Variants in TNRC6C observed in about 807,000 individuals in gnomAD.
The protein encoded by TNRC6C is trinucleotide repeat-containing gene 6C protein.
TNRC6C carries 20 observed loss-of-function variants against 153.7 expected under a neutral mutation model. The ratio of observed to expected loss-of-function variants is 0.13; its 90% CI spans 0.09 to 0.19. The LOEUF is 0.19. Among genes scored for constraint, TNRC6C ranks in the 10% least tolerant of loss-of-function variants. The pLI, the probability that TNRC6C is intolerant of heterozygous loss-of-function variation, is 1.00. For missense variants in TNRC6C, 1,987 were observed against 2,172.0 expected (o/e 0.91, Z 1.69); for synonymous variants, 811 against 841.4 (o/e 0.96, Z 0.63).
In TNRC6C at chr17:78,075,293, G is replaced by A; in HGVS notation, c.3060+15G>A. The A allele has an allele frequency of 6.4e-7, 1 of 1,564,760 alleles. No individual in the cohort carries two copies. The highest frequency in any genetic ancestry group is 8.7e-7 in the Non-Finnish European group (1 of 1,152,724). On this transcript the variant is annotated intron_variant, in intron 8 of 19. Coordinates refer to ENST00000301624, the Ensembl canonical transcript of TNRC6C. This position sits in a 1 kb window ranked among gnomAD's most constrained non-coding sequence, Gnocchi z 4.2. ...TTCTTGACAAGGTATGAATATAGGT[G>A]GTTTGTTGTTTTTGCTTTTTTAACA... is the stretch of plus-strand genomic sequence containing the variant.
At chr17:78,018,160 C>G (rs1236955924) in intron 1 of TNRC6C, among the ~76,000 whole-genome samples, 1 of 152,106 alleles carries the variant, frequency 6.6e-6, no homozygotes, top group Non-Finnish European at 1.5e-5. Context: ...TGGAGTCTTG[C>G]TCTGTCGCCA....
intron 1 of TNRC6C, among the ~76,000 whole-genome samples, chr17:77,968,447 C>T (rs1181936348): frequency 6.6e-6 from 1 of 151,682 alleles, no homozygotes; most frequent in African/African-American, 2.4e-5. Flanking sequence ...GTTCAAGCGA[C>T]TCTTCTGCCT....
At chr17:78,011,204 G>A (rs544671790) in intron 1 of TNRC6C, among the ~76,000 whole-genome samples, 5 of 152,248 alleles carry the variant, frequency 3.3e-5, no homozygotes, top group African/African-American at 7.2e-5. Flanking sequence ...TTGAGTTATT[G>A]TGGACATTAT....
chr17:78,028,062 AT>A (rs913660135), intron 1 of TNRC6C, among the ~76,000 whole-genome samples: 13 of 151,254 alleles, frequency 8.6e-5, no homozygotes, highest in African/African-American at 2.9e-4. Flanking sequence ...TGCCCGGCTA[AT>A]TTTTTTTTGT....
upstream of TNRC6C, chr17:78,004,991 G>A (rs537195507): frequency 2.3e-5 from 26 of 1,111,262 alleles, no homozygotes; most frequent in South Asian, 9.2e-4. Context: ...TTTCATAGAT[G>A]TGTACATTCT....
chr17:78,030,204 C>T (rs963681623), intron 1 of TNRC6C, among the ~76,000 whole-genome samples: 5 of 151,996 alleles, frequency 3.3e-5, no homozygotes, highest in Non-Finnish European at 7.4e-5. Flanking sequence ...GCCTGGAGTG[C>T]AGTGGCACAG....
rs147630758 is a variant in TNRC6C at position 78,038,227 on chromosome 17, C to T, written c.-219+6385C>T. ...TGAATATGAATAAAATCTGAGAGGACATGTTTACAGTGTAAATAGCAAAAG... is the reference window on the plus strand; with the variant it reads ...TGAATATGAATAAAATCTGAGAGGATATGTTTACAGTGTAAATAGCAAAAG... On this transcript the variant is annotated intron_variant, in intron 2 of 19. Coordinates refer to ENST00000301624, the Ensembl canonical transcript of TNRC6C. Among the ~76,000 whole-genome samples, 432 of 152,204 alleles carry T rather than the reference C, an allele frequency of 2.8e-3. 2 individuals carry two copies. The highest frequency in any genetic ancestry group is 0.01 in the African/African-American group (423 of 41,516).
intron 10 of TNRC6C, among the ~76,000 whole-genome samples, chr17:78,082,325 G>A (rs2073195940): frequency 6.6e-6 from 1 of 151,956 alleles, no homozygotes; most frequent in African/African-American, 2.4e-5. Context: ...ATGATCACAT[G>A]GGGATGAAGT....
chr17:78,022,636 A>C (rs1013520056), intron 1 of TNRC6C, among the ~76,000 whole-genome samples: 1 of 152,108 alleles, frequency 6.6e-6, no homozygotes, highest in Non-Finnish European at 1.5e-5. Context: ...GATGATTTCT[A>C]AGGTTCCTGT....
chr17:78,039,643 C>T (rs765022060), intron 2 of TNRC6C, among the ~76,000 whole-genome samples: 1 of 152,226 alleles, frequency 6.6e-6, no homozygotes, highest in Non-Finnish European at 1.5e-5. Flanking sequence ...AATGCTGTGG[C>T]TGTTGTCAGG....
intron 11 of TNRC6C, among the ~76,000 whole-genome samples, chr17:78,085,368 C>A (rs2073261569): frequency 6.6e-6 from 1 of 152,118 alleles, no homozygotes; most frequent in Non-Finnish European, 1.5e-5. Flanking sequence ...TTCAGTGCTT[C>A]CATAAGGTTA....
chr17:78,048,251 C>A (rs2072448620), intron 2 of TNRC6C, among the ~76,000 whole-genome samples: 1 of 151,932 alleles, frequency 6.6e-6, no homozygotes, highest in Admixed American at 6.6e-5. Flanking sequence ...CATTTCTAAT[C>A]CTTAGTATTT....
chr17:77,984,311 A>G (rs2071125860), intron 1 of TNRC6C, among the ~76,000 whole-genome samples: 1 of 150,696 alleles, frequency 6.6e-6, no homozygotes, highest in African/African-American at 2.4e-5. Flanking sequence ...TGAGCCCAGG[A>G]GTTTGAGGCC....
At chr17:78,057,025 A>ACAC (rs1258558622) in intron 3 of TNRC6C, among the ~76,000 whole-genome samples, 1 of 152,146 alleles carries the variant, frequency 6.6e-6, no homozygotes, top group African/African-American at 2.4e-5. Flanking sequence ...TGCTCTTTGT[A>ACAC]GGTGTAGCAA....
intron 1 of TNRC6C, among the ~76,000 whole-genome samples, chr17:77,993,471 A>G (rs1377218354): frequency 6.6e-6 from 1 of 152,242 alleles, no homozygotes; most frequent in Non-Finnish European, 1.5e-5. Context: ...TAAGGGACAG[A>G]AACAACGAGC....
intron 13 of TNRC6C, among the ~76,000 whole-genome samples, chr17:78,089,703 G>T (rs534334094): frequency 6.6e-6 from 1 of 152,168 alleles, no homozygotes; most frequent in East Asian, 1.9e-4. Context: ...GATTCTTACA[G>T]GGCTCTAGAG....
chr17:78,085,706 A>C (rs768297518), intron 11 of TNRC6C, among the ~76,000 whole-genome samples: 41 of 152,138 alleles, frequency 2.7e-4, no homozygotes, highest in Non-Finnish European at 3.4e-4. Flanking sequence ...TTTCATTCCC[A>C]TGATGTTAGG....
intron 15 of TNRC6C, 154 bp downstream of exon 17, chr17:78,093,278 T>A: frequency 1.1e-6 from 1 of 925,074 alleles, no homozygotes; most frequent in Non-Finnish European, 1.6e-6. Flanking sequence ...AATCCATTTG[T>A]CAGATCAATT....
intron 17 of TNRC6C, among the ~76,000 whole-genome samples, chr17:78,102,190 AC>A (rs2073608550): frequency 6.6e-6 from 1 of 151,732 alleles, no homozygotes; most frequent in South Asian, 2.1e-4. Context: ...GGGCCTCATC[AC>A]CCCCGTCTCT....
Sources: allele counts gnomAD v4.1 joint callset (sites outside exome capture counted in the v4.1 genomes callset), GRCh38; gene constraint gnomAD v4.1.1; non-coding constraint Gnocchi (gnomAD v3.1); transcripts MANE v1.5; gene names NCBI Gene and HGNC (gene_info 2026-07-23, HGNC 2026-07-21).